XRN1: variants seen among roughly 807,000 people sequenced by gnomAD.
XRN1 encodes the protein 5'-3' exoribonuclease 1.
In XRN1, 67 loss-of-function variants were observed where a neutral mutation model predicts 222.3. The ratio of observed to expected loss-of-function variants is 0.30; its 90% confidence interval spans 0.25 to 0.37. The LOEUF (loss-of-function observed/expected upper bound fraction) is 0.37, where lower values mean the gene tolerates loss of function less well. XRN1 is among the 10% of genes least tolerant of loss of function. The probability of loss-of-function intolerance (pLI) is 1.00; values close to 1 mark genes in which losing one functional copy is unlikely to be tolerated. For missense variants in XRN1, 1,707 were observed against 2,000.2 expected, an observed-to-expected ratio of 0.85 and a Z score of 2.80; for synonymous variants, 643 against 652.4, an observed-to-expected ratio of 0.99 and a Z score of 0.22.
At chr3:142,416,901 G>A (rs752365742) in intron 13 of XRN1, among the ~76,000 whole-genome samples, 16 of 151,580 alleles carry the variant, frequency 1.1e-4, no homozygotes, top group Non-Finnish European at 1.3e-4. Flanking sequence ...CCGTGGTGGC[G>A]CATGCCTGTA....
At position 142,414,188 on chromosome 3, in the gene XRN1, G is replaced by T; in HGVS notation, c.1540C>A (p.Leu514Ile). Residue 514 changes from leucine (L) to isoleucine (I), a missense_variant, in exon 14 of 41, where the codon CTT becomes ATT. Physicochemically the swap from Leu to Ile is conservative, Grantham distance 5 (BLOSUM62 2). Transcript: ENST00000392981. ...CTGGCTGCTGGAAGTACAGCAAGAAGCTGTTCAAATGGCTTAAAAGGTTTT... is the reference window on the plus strand; with the variant it reads ...CTGGCTGCTGGAAGTACAGCAAGAATCTGTTCAAATGGCTTAAAAGGTTTT... The part of the protein sequence containing the change: ...LGKPFKPFEQ[L>I]LAVLPAASKN... The T allele has an allele frequency of 6.2e-7, 1 of 1,613,806 alleles. No homozygotes were observed. The highest frequency in any genetic ancestry group is 8.5e-7 in the Non-Finnish European group (1 of 1,179,828).
At chr3:142,329,093 T>C (rs928241396) in intron 37 of XRN1, among the ~76,000 whole-genome samples, 1 of 151,818 alleles carries the variant, frequency 6.6e-6, no homozygotes, top group Admixed American at 6.6e-5. Flanking sequence ...ACAGTAAATA[T>C]GGATATAAGT....
In XRN1 at chr3:142,311,215, T is replaced by C. The variant is rs1426356683; in HGVS notation, c.*296A>G. ...CAATGATTAGAGTGGTACATTTTAA[T>C]GTTTAGTCCACTGATACTGTGATAT... On this transcript the variant is annotated 3_prime_UTR_variant, in exon 41 of 41. Transcript: ENST00000392981. The C allele has an allele frequency of 4.9e-6, 1 of 203,720 alleles. No individual in the cohort carries two copies. The highest frequency in any genetic ancestry group is 1.0e-5 in the Non-Finnish European group (1 of 100,456). The allele number at this position is 203,720 out of a possible 1,614,324, so 12.6% of individuals were successfully genotyped here. A position where few individuals can be genotyped will look rare whatever the true frequency, so the allele number is the denominator to read the frequency against.
intron 15 of XRN1, among the ~76,000 whole-genome samples, chr3:142,409,910 GCTT>G (rs769590230): frequency 1.1e-4 from 16 of 152,174 alleles, no homozygotes; most frequent in East Asian, 1.9e-4. Context: ...GAATCTTTAA[GCTT>G]CTTATTTTAA....
chr3:142,400,393 A>C (rs760019930), intron 19 of XRN1, 51 bp downstream of exon 19: 1 of 1,427,072 alleles, frequency 7.0e-7, no homozygotes, highest in Non-Finnish European at 9.7e-7. Flanking sequence ...AAGCCATCAA[A>C]GTCACAAAGC....
At chr3:142,396,246 A>AT (rs550001261) in intron 20 of XRN1, among the ~76,000 whole-genome samples, 158 of 151,792 alleles carry the variant, frequency 1.0e-3, no homozygotes, top group Middle Eastern at 0.01. Context: ...ACTTTGAATG[A>AT]TTTTTTTTTC....
chr3:142,420,514 G>A (rs1383992976), intron 10 of XRN1: 3 of 158,662 alleles, frequency 1.9e-5, no homozygotes, highest in African/African-American at 7.3e-5. Context: ...TGGGATTACA[G>A]GTGTGTGCCA....
intron 37 of XRN1, among the ~76,000 whole-genome samples, chr3:142,320,125 T>C (rs2065313753): frequency 6.6e-6 from 1 of 152,222 alleles, no homozygotes; most frequent in South Asian, 2.1e-4. Flanking sequence ...CATAGTTCTA[T>C]TTTTAGCTCT....
Position 142,332,962 on chromosome 3 carries a change from C to A in XRN1, c.4062+5G>T. The A allele has an allele frequency of 6.2e-7, 1 of 1,612,212 alleles. No individual in the cohort carries two copies. Among genetic ancestry groups the A allele is most frequent in the Non-Finnish European group, 8.5e-7 (1 of 1,179,162 alleles). Reference sequence around the variant, plus strand: ...ACAGTAAGAAAGTTCCTACAAAATACGAACCATGGCAAATGACTGTGGTGA... The same window carrying A: ...ACAGTAAGAAAGTTCCTACAAAATAAGAACCATGGCAAATGACTGTGGTGA... On this transcript the variant is annotated splice_donor_5th_base_variant and intron_variant, in intron 35 of 40. Coordinates refer to ENST00000392981, the MANE Select transcript of XRN1 (RefSeq NM_001282857.2).
At position 142,386,982 on chromosome 3, in the gene XRN1, TATATACCCAAAAGGAATGCATAGAC is replaced by T. The variant is rs541985455; in HGVS notation, c.2340-2322_2340-2298del. Among the ~76,000 whole-genome samples the T allele has an allele frequency of 9.8e-4, 149 of 152,276 alleles. No homozygotes were observed. The Middle Eastern group carries it at 0.01, about 10-fold the overall frequency. The stretch of plus-strand genomic sequence containing the variant: ...ATGAAGCAGTAATTCTACTCTTAGA[TATATACCCAAAAGGAATGCATAGAC>T]ATATACCCAAAAGGAATGCATATAT... On this transcript the variant is annotated intron_variant, in intron 20 of 40. Transcript: ENST00000392981.
chr3:142,311,904 T>C lies in XRN1; in HGVS notation c.4783-91A>G. The stretch of plus-strand genomic sequence containing the variant: ...CCATAAACCATGCATGCTGTTAATA[T>C]TTGTCAATCACAGCTGATCTGTGAC... On this transcript the variant is annotated intron_variant, in intron 40 of 40. Coordinates refer to ENST00000392981, the MANE Select transcript of XRN1 (RefSeq NM_001282857.2). 6 of 1,307,780 alleles carry C rather than the reference T, an allele frequency of 4.6e-6. No homozygotes were observed. In the South Asian group the frequency reaches 9.2e-5, roughly 20 times the overall value. 81.0% of individuals were successfully genotyped at this position (1,307,780 alleles called of 1,614,324 possible).
chr3:142,388,035 T>C (rs1397047145), intron 20 of XRN1, among the ~76,000 whole-genome samples: 1 of 152,188 alleles, frequency 6.6e-6, no homozygotes, highest in Non-Finnish European at 1.5e-5. Flanking sequence ...GAGCCAAACA[T>C]ACCTCTTTTC....
rs1486373946 is a variant in XRN1, at chr3:142,332,534, T to C, written c.4063A>G (p.Lys1355Glu). 4.4e-6 allele frequency: 7 copies of C among 1,605,182 alleles called. No individual in the cohort carries two copies. In the Admixed American group the frequency reaches 1.2e-4, roughly 27 times the overall value. The stretch of plus-strand genomic sequence containing the variant: ...ATTTCTTTAAGCATCCGTGTTCCCT[T>C]CTTTTTGAAAATGATTCACATGGAG... ...EHLSPQSFAMKGTRMLKEILK... is the reference protein window; with the variant it reads ...EHLSPQSFAMEGTRMLKEILK... Residue 1355 changes from lysine (K) to glutamate (E), a missense_variant and splice_region_variant, in exon 36 of 41, where the codon AAG (lysine) becomes GAG (glutamate). Around this residue, in one of 2 missense-constraint regions of XRN1, gnomAD observed 473 missense variants for 482.0 expected, o/e 0.98. Coordinates refer to ENST00000392981, the MANE Select transcript of XRN1 (RefSeq NM_001282857.2).
intron 27 of XRN1, among the ~76,000 whole-genome samples, chr3:142,370,242 T>A (rs2066948769): frequency 6.6e-6 from 1 of 152,192 alleles, no homozygotes; most frequent in South Asian, 2.1e-4. Context: ...TTATAATTAG[T>A]TATGATGGCT....
chr3:142,351,691 T>C (rs2066310537), intron 32 of XRN1, among the ~76,000 whole-genome samples: 1 of 152,096 alleles, frequency 6.6e-6, no homozygotes, highest in African/African-American at 2.4e-5. Context: ...TTTTCATTTT[T>C]TGCCTTACTG....
Position 142,415,813 on chromosome 3 carries a change from C to A in XRN1, c.1436+1327G>T, listed in dbSNP as rs572222469. 2.6e-5 allele frequency among the ~76,000 whole-genome samples: 4 copies of A among 152,312 alleles called. No individual in the cohort carries two copies. The South Asian group carries it at 8.3e-4, about 32-fold the overall frequency. ...GTGCTTTGAACAAAACCAAACCAAA[C>A]AGAGTTGTGTTATCATCTAAAAGTC... On this transcript the variant is annotated intron_variant, in intron 13 of 40. Transcript: ENST00000392981.
intron 40 of XRN1, 127 bp downstream of exon 40, chr3:142,312,470 CT>C (rs2065102279): frequency 2.2e-6 from 2 of 914,196 alleles, no homozygotes; most frequent in East Asian, 5.6e-5. Flanking sequence ...CAACCATTGC[CT>C]TCTTACTACC....
chr3:142,418,163 C>T (rs1577401170), intron 12 of XRN1: 2 of 214,568 alleles, frequency 9.3e-6, no homozygotes, highest in East Asian at 2.6e-4. Context: ...GAAGAGGTGA[C>T]AGAGATGGTG....
At position 142,443,052 on chromosome 3, in the gene XRN1, C is replaced by G. The variant is rs1442444119; in HGVS notation, c.75+4818G>C. The stretch of plus-strand genomic sequence containing the variant: ...CCGGCCCAATCCCTGTATCTTTAAC[C>G]TCCTTGTTAAGTTTGTCTCTTCCAG... On this transcript the variant is annotated intron_variant, in intron 1 of 40. Coordinates refer to ENST00000392981, the MANE Select transcript of XRN1 (RefSeq NM_001282857.2). 2.0e-5 allele frequency among the ~76,000 whole-genome samples: 3 copies of G among 152,150 alleles called. No homozygotes were observed. The East Asian group carries it at 5.8e-4, about 29-fold the overall frequency.
Sources: gnomAD v4.1 joint callset for allele counts (sites outside exome capture counted in the v4.1 genomes callset) on GRCh38, gnomAD v4.1.1 for gene constraint, gnomAD v4.1.1 regional missense constraint, MANE v1.5 for transcripts, NCBI Gene and HGNC (gene_info 2026-07-23, HGNC 2026-07-21) for gene names.